Variants in SLC25A43 observed in about 807,000 individuals in gnomAD.
SLC25A43 encodes the protein solute carrier family 25 member 43.
A neutral mutation model predicts 22.8 loss-of-function variants in SLC25A43; 10 were observed. The observed-to-expected ratio is 0.44, with a 90% confidence interval of 0.27 to 0.74. SLC25A43 has a LOEUF of 0.74. SLC25A43 is among the 30% of genes least tolerant of loss of function. The probability of loss-of-function intolerance (pLI) is 0.17; values close to 1 mark genes in which losing one functional copy is unlikely to be tolerated. For synonymous variants in SLC25A43, 106 were observed against 121.6 expected (o/e 0.87, Z 0.84); for missense variants, 233 against 279.1 (o/e 0.83, Z 1.18).
chrX:119,417,695 G>A (rs768289163), intron 3 of SLC25A43, among the ~76,000 whole-genome samples: 1 of 108,352 alleles, frequency 9.2e-6, no homozygotes, highest in East Asian at 2.9e-4. Flanking sequence ...CTTTTTCCTC[G>A]TATGGGAGCC....
chrX:119,413,610 G>T (rs946021775), intron 3 of SLC25A43, among the ~76,000 whole-genome samples: 2 of 109,494 alleles, frequency 1.8e-5, no homozygotes, highest in Non-Finnish European at 3.8e-5. Flanking sequence ...GGGAGGCTGA[G>T]GTAAGAGAAT....
chrX:119,407,398 A>G (rs2052308210), intron 2 of SLC25A43, among the ~76,000 whole-genome samples: 1 of 111,639 alleles, frequency 9.0e-6, no homozygotes, highest in African/African-American at 3.3e-5. Flanking sequence ...TAGTGGCTTA[A>G]GCAAGCGTCA....
rs1053424903 is a variant in SLC25A43, at chrX:119,410,505, A to G, written c.690+143A>G. ...GCTCATAAATACTGTGCAAACCCCCACTCTGTGGCATTTCTGCTGCTAACC... is the reference window on the plus strand; with the variant it reads ...GCTCATAAATACTGTGCAAACCCCCGCTCTGTGGCATTTCTGCTGCTAACC... On this transcript the variant is annotated intron_variant, in intron 3 of 4. Coordinates refer to ENST00000217909, the MANE Select transcript of SLC25A43 (RefSeq NM_145305.3). 3.1e-5 allele frequency: 19 copies of G among 605,004 alleles called. No individual in the cohort carries two copies. The Admixed American group carries it at 6.4e-4, about 21-fold the overall frequency. The allele number at this position is 605,004 out of a possible 1,213,427, so 49.9% of individuals were successfully genotyped here. A position where few individuals can be genotyped will look rare whatever the true frequency, so the allele number is the denominator to read the frequency against.
rs760451517 is a variant in SLC25A43 at position 119,420,577 on chromosome X, G to A, written c.690+10215G>A. Among the ~76,000 whole-genome samples, 11 of 111,463 alleles carry A rather than the reference G, an allele frequency of 9.9e-5. No individual in the cohort carries two copies. In the South Asian group the frequency reaches 4.2e-3, roughly 43 times the overall value. ...CCCGCTTTGACCTCCCAAAGTGGTG[G>A]GATTACAGGCATGAGCCACTGTACT... On this transcript the variant is annotated intron_variant, in intron 3 of 4. Coordinates refer to ENST00000217909, the MANE Select transcript of SLC25A43 (RefSeq NM_145305.3).
At chrX:119,441,535 G>T (rs1483716249) in intron 3 of SLC25A43, among the ~76,000 whole-genome samples, 1 of 111,942 alleles carries the variant, frequency 8.9e-6, no homozygotes, top group Non-Finnish European at 1.9e-5. Flanking sequence ...GGATAAGAAT[G>T]CTTTGTTTTA....
chrX:119,432,101 C>T (rs1375871019), intron 3 of SLC25A43, among the ~76,000 whole-genome samples: 1 of 103,860 alleles, frequency 9.6e-6, no homozygotes, highest in African/African-American at 3.5e-5. Context: ...TGTAGTGAGC[C>T]GAGATCGCTC....
At chrX:119,419,194 G>A (rs888823822) in intron 3 of SLC25A43, among the ~76,000 whole-genome samples, 1 of 111,163 alleles carries the variant, frequency 9.0e-6, no homozygotes, top group Non-Finnish European at 1.9e-5. Context: ...CAGGAGGGAG[G>A]TACCAGACAC....
intron 3 of SLC25A43, among the ~76,000 whole-genome samples, chrX:119,419,620 C>T (rs1481766573): frequency 9.0e-6 from 1 of 111,621 alleles, no homozygotes; most frequent in Non-Finnish European, 1.9e-5. Flanking sequence ...CCTTCTGAGC[C>T]ATGGTCCCAC....
At chrX:119,401,060 T>C (rs2052233589) in intron 1 of SLC25A43, among the ~76,000 whole-genome samples, 1 of 111,566 alleles carries the variant, frequency 9.0e-6, no homozygotes, top group African/African-American at 3.3e-5. Context: ...ACCTAGTATA[T>C]GCACATTAGA....
At chrX:119,410,612 G>C (rs187833584) in intron 3 of SLC25A43, among the ~76,000 whole-genome samples, 23 of 112,071 alleles carry the variant, frequency 2.1e-4, no homozygotes, top group Non-Finnish European at 3.4e-4. Context: ...TCCAGGCTAG[G>C]GGCGGTGATT....
intron 3 of SLC25A43, among the ~76,000 whole-genome samples, chrX:119,426,950 C>T (rs1245003916): frequency 9.0e-6 from 1 of 111,576 alleles, no homozygotes; most frequent in African/African-American, 3.3e-5. Context: ...CGACAGGAAT[C>T]GAGAGTTCGT....
chrX:119,413,736 T>A (rs1346418815), intron 3 of SLC25A43, among the ~76,000 whole-genome samples: 1 of 111,375 alleles, frequency 9.0e-6, no homozygotes, highest in Non-Finnish European at 1.9e-5. Context: ...TAGTATCCTT[T>A]TTTCACTTAT....
intron 3 of SLC25A43, among the ~76,000 whole-genome samples, chrX:119,411,102 C>T (rs773885019): frequency 9.0e-6 from 1 of 110,754 alleles, no homozygotes; most frequent in Non-Finnish European, 1.9e-5. Flanking sequence ...CTGTGCCTTA[C>T]CTCAGTGAAG....
At chrX:119,441,445 G>C (rs1314819869) in intron 3 of SLC25A43, among the ~76,000 whole-genome samples, 2 of 108,053 alleles carry the variant, frequency 1.9e-5, no homozygotes, top group Non-Finnish European at 3.8e-5. Context: ...CGCTCACGCT[G>C]GGAGCTGTAG....
intron 3 of SLC25A43, chrX:119,423,538 A>AAG (rs1556071997): frequency 1.7e-5 from 1 of 59,649 alleles, no homozygotes; most frequent in African/African-American, 8.2e-5. Context: ...CAAAAAAAAA[A>AAG]AAAAGAAAAG....
At chrX:119,431,116 G>A (rs1271600671) in intron 3 of SLC25A43, among the ~76,000 whole-genome samples, 3 of 112,179 alleles carry the variant, frequency 2.7e-5, no homozygotes, top group Non-Finnish European at 3.8e-5. Context: ...AGAGACTGGC[G>A]TTTATCCTCT....
intron 3 of SLC25A43, among the ~76,000 whole-genome samples, chrX:119,441,152 G>T (rs2147290868): frequency 4.8e-5 from 1 of 20,876 alleles, no homozygotes; most frequent in Admixed American, 5.3e-4. Flanking sequence ...TCCGAGCCAG[G>T]TGTGGGATAT....
At chrX:119,443,003 A>C (rs978023840) in intron 3 of SLC25A43, among the ~76,000 whole-genome samples, 4 of 112,112 alleles carry the variant, frequency 3.6e-5, no homozygotes, top group Admixed American at 9.5e-5. Context: ...GAACACTAGG[A>C]AAAATAGACA....
chrX:119,399,375 GC>G lies in SLC25A43; in HGVS notation c.-28del. On this transcript the variant is annotated 5_prime_UTR_variant, in exon 1 of 5. Transcript: ENST00000217909. ...CCGGAGAGCCCCAGGCCCGAGCCAC[GC>G]GGTCTTCCGGGCCCGGGTCGGGGCT... 1.0e-6 allele frequency: 1 copy of G among 965,250 alleles called. No individual in the cohort carries two copies. Among genetic ancestry groups the G allele is most frequent in the East Asian group, 4.2e-5 (1 of 23,836 alleles). 79.5% of individuals were successfully genotyped at this position (965,250 alleles called of 1,213,427 possible). A position where few individuals can be genotyped will look rare whatever the true frequency, so the allele number is the denominator to read the frequency against.
Sources: gnomAD v4.1 joint callset for allele counts (sites outside exome capture counted in the v4.1 genomes callset) on GRCh38, gnomAD v4.1.1 for gene constraint, MANE v1.5 for transcripts, NCBI Gene and HGNC (gene_info 2026-07-23, HGNC 2026-07-21) for gene names.